The following DNM3 variants were observed in gnomAD, a reference collection of about 807,000 sequenced individuals.
The protein encoded by DNM3 is dynamin 3.
Under a neutral mutation model 101.6 loss-of-function variants are expected in DNM3, and 47 were observed. That is an observed-to-expected ratio of 0.46 (90% confidence interval 0.37 to 0.59). The LOEUF is 0.59. DNM3 is among the 20% of genes least tolerant of loss of function. The pLI is 0.00. For missense variants in DNM3, 849 were observed against 1,085.7 expected (o/e 0.78, Z 3.06); for synonymous variants, 385 against 387.9 (o/e 0.99, Z 0.09).
intron 14 of DNM3, among the ~76,000 whole-genome samples, chr1:172,240,830 T>A (rs568834931): frequency 1.9e-3 from 294 of 152,228 alleles, no homozygotes; most frequent in African/African-American, 6.0e-3. Flanking sequence ...TTTCTTTTTT[T>A]AAAAAATATA....
At chr1:172,127,239 C>T (rs932976418) in intron 13 of DNM3, among the ~76,000 whole-genome samples, 1 of 152,000 alleles carries the variant, frequency 6.6e-6, no homozygotes, top group Non-Finnish European at 1.5e-5. Context: ...TACGTCCACC[C>T]TTACTCTCTC....
chr1:172,383,464 C>G (rs1273155754), intron 18 of DNM3, among the ~76,000 whole-genome samples: 1 of 152,092 alleles, frequency 6.6e-6, no homozygotes, highest in Admixed American at 6.6e-5. Flanking sequence ...AGCCCCCTCC[C>G]CAAAACTAAA....
At position 172,146,375 on chromosome 1, in the gene DNM3, T is replaced by A. The variant is rs192492739; in HGVS notation, c.1659+15087T>A. The stretch of plus-strand genomic sequence containing the variant: ...TGAGGAAGATTAAATAAGATAAACA[T>A]GAATTATCTGGCATCTTAGGATGGA... On this transcript the variant is annotated intron_variant, in intron 14 of 20. Transcript: ENST00000627582. Among the ~76,000 whole-genome samples, 648 of 152,206 alleles carry A rather than the reference T, an allele frequency of 4.3e-3. 4 individuals carry two copies. The highest frequency in any genetic ancestry group is 6.4e-3 in the Non-Finnish European group (432 of 67,984).
At chr1:172,314,366 G>C (rs2065219738) in intron 16 of DNM3, among the ~76,000 whole-genome samples, 1 of 152,178 alleles carries the variant, frequency 6.6e-6, no homozygotes, top group Non-Finnish European at 1.5e-5. Context: ...ATCTCACTAG[G>C]GAGTGCCAGA....
intron 1 of DNM3, among the ~76,000 whole-genome samples, chr1:171,873,466 A>T (rs758356991): frequency 6.6e-5 from 10 of 152,162 alleles, no homozygotes; most frequent in Non-Finnish European, 1.2e-4. Flanking sequence ...AACTGGGGAG[A>T]TGGATAAGCA....
At chr1:172,326,603 ATGGCTTCTCTTGG>A (rs1380304843) in intron 17 of DNM3, among the ~76,000 whole-genome samples, 1 of 152,046 alleles carries the variant, frequency 6.6e-6, no homozygotes, top group African/African-American at 2.4e-5. Context: ...TTTGAATGTG[ATGGCTTCTCTTGG>A]TGGACAATTT....
intron 14 of DNM3, among the ~76,000 whole-genome samples, chr1:172,169,937 C>T (rs1558671171): frequency 6.6e-6 from 1 of 151,842 alleles, no homozygotes; most frequent in Non-Finnish European, 1.5e-5. Context: ...CAAAACTTAA[C>T]AGCATAATGT....
chr1:172,057,815 T>G (rs1381152496), intron 10 of DNM3, among the ~76,000 whole-genome samples: 6 of 150,862 alleles, frequency 4.0e-5, no homozygotes. Flanking sequence ...GCTATCATCA[T>G]AATGACAGGA....
chr1:171,957,689 C>G (rs2042954343), intron 2 of DNM3, among the ~76,000 whole-genome samples: 1 of 152,186 alleles, frequency 6.6e-6, no homozygotes, highest in Admixed American at 6.5e-5. Flanking sequence ...ATCTGTAGGA[C>G]AGGGACAAAA....
rs768549406 is a variant in DNM3 at position 172,354,088 on chromosome 1, GGTGTGT to G, written c.1894-24910_1894-24905del. Among the ~76,000 whole-genome samples, 380 of 123,114 alleles carry G rather than the reference GGTGTGT, an allele frequency of 3.1e-3. 1 individual carries two copies. The highest frequency in any genetic ancestry group is 0.012 in the African/African-American group (363 of 30,532). The allele number at this position is 123,114 out of a possible 152,430, so 80.8% of individuals were successfully genotyped here. ...GGTATTTAGGACATAAAGGTGTTGG[GGTGTGT>G]GTGTGTGTGTGTGTGTGTGAGAGAG... On this transcript the variant is annotated intron_variant, in intron 17 of 20. Transcript: ENST00000627582.
intron 18 of DNM3, among the ~76,000 whole-genome samples, chr1:172,385,887 A>T (rs1368115921): frequency 6.6e-6 from 1 of 152,238 alleles, no homozygotes; most frequent in East Asian, 1.9e-4. Flanking sequence ...TAATTGCTGC[A>T]CTACTGTAAA....
chr1:171,940,107 C>G (rs2041713127), intron 2 of DNM3, among the ~76,000 whole-genome samples: 1 of 152,154 alleles, frequency 6.6e-6, no homozygotes, highest in African/African-American at 2.4e-5. Context: ...CAGCTAAGAA[C>G]AGACGATAAT....
At chr1:172,135,245 A>G (rs1466526843) in intron 14 of DNM3, among the ~76,000 whole-genome samples, 1 of 152,162 alleles carries the variant, frequency 6.6e-6, no homozygotes, top group Non-Finnish European at 1.5e-5. Context: ...ACCAGGAGAC[A>G]TTGTTTGTTC....
rs183287065 is a variant in DNM3 at position 171,865,336 on chromosome 1, T to A, written c.161+23519T>A. Among the ~76,000 whole-genome samples, 454 of 151,584 alleles carry A rather than the reference T, an allele frequency of 3.0e-3. 4 individuals are homozygous for A. Among genetic ancestry groups the A allele is most frequent in the African/African-American group, 0.01 (415 of 41,394 alleles). ...TTCTAGACAAGCCTGGGCAACGTGG[T>A]GAAACCTCATCTCTACAAAAAAATA... On this transcript the variant is annotated intron_variant, in intron 1 of 20. Transcript: ENST00000627582.
At chr1:172,308,082 A>G (rs2064920416) in intron 15 of DNM3, among the ~76,000 whole-genome samples, 2 of 152,134 alleles carry the variant, frequency 1.3e-5, no homozygotes, top group South Asian at 4.1e-4. Context: ...TGGAAACTGG[A>G]TGATTGTTAC....
At chr1:172,416,106 A>T (rs549304317), downstream of DNM3, among the ~76,000 whole-genome samples, 75 of 152,326 alleles carry the variant, frequency 4.9e-4, no homozygotes, top group Non-Finnish European at 9.1e-4. Flanking sequence ...ACCTGAAATT[A>T]TAGTCTTGAT....
intron 1 of DNM3, among the ~76,000 whole-genome samples, chr1:171,920,729 G>A (rs1024954255): frequency 1.3e-5 from 2 of 152,196 alleles, no homozygotes; most frequent in African/African-American, 4.8e-5. Flanking sequence ...GTAATATTAT[G>A]TAGTACTATC....
At chr1:172,365,653 A>G (rs1254781437) in intron 17 of DNM3, among the ~76,000 whole-genome samples, 1 of 151,960 alleles carries the variant, frequency 6.6e-6, no homozygotes, top group Non-Finnish European at 1.5e-5. Flanking sequence ...AAAATTTCTT[A>G]TCCCCAGAAA....
At chr1:171,969,057 C>T (rs563959920) in intron 2 of DNM3, among the ~76,000 whole-genome samples, 79 of 152,252 alleles carry the variant, frequency 5.2e-4, no homozygotes, top group African/African-American at 1.8e-3. Flanking sequence ...GACATTTACA[C>T]GAGCTTTAGC....
Sources: gnomAD v4.1 joint callset for allele counts (sites outside exome capture counted in the v4.1 genomes callset) on GRCh38, gnomAD v4.1.1 for gene constraint, MANE v1.5 for transcripts, NCBI Gene and HGNC (gene_info 2026-07-23, HGNC 2026-07-21) for gene names.